The following MYO18A variants were observed in gnomAD, a reference collection of about 807,000 sequenced individuals.
MYO18A encodes unconventional myosin-XVIIIa.
Under a neutral mutation model 235.8 loss-of-function variants are expected in MYO18A, and 78 were observed. The ratio of observed to expected loss-of-function variants is 0.33; its 90% confidence interval spans 0.28 to 0.40. The LOEUF is 0.40. MYO18A is among the 10% of genes least tolerant of loss of function. MYO18A has a pLI of 1.00. For synonymous variants in MYO18A, 977 were observed against 1,077.8 expected (o/e 0.91, Z 1.83); for missense variants, 2,215 against 2,699.3 (o/e 0.82, Z 3.98).
At chr17:29,116,701 A>G (rs79504022) in intron 10 of MYO18A, among the ~76,000 whole-genome samples, 70 of 33,058 alleles carry the variant, frequency 2.1e-3, no homozygotes, top group East Asian at 9.4e-3. Context: ...ATTTGTGCAC[A>G]TGTGTGTGTG....
intron 1 of MYO18A, among the ~76,000 whole-genome samples, chr17:29,168,860 G>A (rs1024726297): frequency 3.9e-5 from 6 of 152,306 alleles, no homozygotes; most frequent in Middle Eastern, 3.4e-3. Flanking sequence ...TACTTTAGGA[G>A]GCTGAGGCAG....
intron 1 of MYO18A, among the ~76,000 whole-genome samples, chr17:29,167,352 TA>T (rs2068306493): frequency 6.6e-6 from 1 of 152,022 alleles, no homozygotes; most frequent in Non-Finnish European, 1.5e-5. Context: ...TATCTGGAGG[TA>T]GTATGTGGGA....
chr17:29,179,273 C>T (rs895131709), intron 1 of MYO18A, among the ~76,000 whole-genome samples: 1 of 151,768 alleles, frequency 6.6e-6, no homozygotes, highest in Non-Finnish European at 1.5e-5. Context: ...CCCCCACCCC[C>T]CACCTCTAGC....
chr17:29,145,872 C>T lies in MYO18A; in HGVS notation c.999+20070G>A, dbSNP rs897804616. Among the ~76,000 whole-genome samples the T allele has an allele frequency of 5.9e-5, 9 of 152,176 alleles. No homozygotes were observed. In the South Asian group the frequency reaches 1.4e-3, roughly 24 times the overall value. On this transcript the variant is annotated intron_variant, in intron 2 of 41. Coordinates refer to ENST00000527372, the MANE Select transcript of MYO18A (RefSeq NM_078471.4). The stretch of plus-strand genomic sequence containing the variant: ...TATTAAGTAGACAGCTTACAGACAG[C>T]TTGGAGCTAGGCCAATGAAAGAGAG...
intron 2 of MYO18A, among the ~76,000 whole-genome samples, chr17:29,138,674 G>A (rs1446566450): frequency 6.6e-6 from 1 of 152,204 alleles, no homozygotes; most frequent in Non-Finnish European, 1.5e-5. Flanking sequence ...TAGTGTGACT[G>A]TGTGACTGCT....
intron 1 of MYO18A, among the ~76,000 whole-genome samples, chr17:29,171,172 A>G (rs1423072623): frequency 6.6e-6 from 1 of 152,226 alleles, no homozygotes; most frequent in Admixed American, 6.5e-5. Flanking sequence ...GCGTTCAGCC[A>G]GGCGCGTTGG....
chr17:29,100,660 C>A (rs1227482167), intron 21 of MYO18A, among the ~76,000 whole-genome samples: 1 of 152,236 alleles, frequency 6.6e-6, no homozygotes, highest in African/African-American at 2.4e-5. Context: ...TGAGAGTGGG[C>A]AGAGACACCT....
At chr17:29,098,053 C>G (rs1019541580) in intron 25 of MYO18A, 52 bp downstream of exon 25, 1 of 1,603,976 alleles carries the variant, frequency 6.2e-7, no homozygotes. Context: ...CCAATGGGCA[C>G]TAGGGTATGG....
At chr17:29,102,905 C>G (rs1396627680) in intron 21 of MYO18A, among the ~76,000 whole-genome samples, 1 of 152,238 alleles carries the variant, frequency 6.6e-6, no homozygotes, top group Non-Finnish European at 1.5e-5. Context: ...CTCTCTGGCT[C>G]TCCACTGGCC....
intron 2 of MYO18A, chr17:29,165,636 T>G: frequency 2.9e-6 from 1 of 349,388 alleles, no homozygotes; most frequent in Non-Finnish European, 5.3e-6. Flanking sequence ...TTTGGGGACT[T>G]GTCCTCAGCT....
Position 29,094,968 on chromosome 17 carries a change from C to T in MYO18A, c.4477G>A (p.Ala1493Thr), listed in dbSNP as rs1486767135. Reference sequence around the variant, plus strand: ...TGCTGCTTCAGGCTGAAAGCCTCAGCGAGGAGCATGTCCTTCTCCCGCTGC... The same window carrying T: ...TGCTGCTTCAGGCTGAAAGCCTCAGTGAGGAGCATGTCCTTCTCCCGCTGC... ...KLQREKDMLLAEAFSLKQQLE... is the reference protein window; with the variant it reads ...KLQREKDMLLTEAFSLKQQLE... The change falls in exon 29 of 42, where the codon GCT becomes ACT. Residue 1493 changes from alanine to threonine, a missense_variant. Physicochemically the swap from Ala to Thr is moderately conservative, Grantham distance 58. Transcript: ENST00000527372. 9.9e-6 allele frequency: 16 copies of T among 1,608,276 alleles called. No homozygotes were observed. Among genetic ancestry groups the T allele is most frequent in the South Asian group, 3.3e-5 (3 of 90,528 alleles).
At position 29,111,107 on chromosome 17, in the gene MYO18A, C is replaced by T. The variant is rs2066917597; in HGVS notation, c.2900+317G>A. ...GCCCCTGTCGCAGGGTAGGTGCCCA[C>T]TAACCATCTTCTGAAGAGTAGAACG... On this transcript the variant is annotated intron_variant, in intron 17 of 41. Coordinates refer to ENST00000527372, the MANE Select transcript of MYO18A (RefSeq NM_078471.4). This position sits in a 1 kb window ranked among gnomAD's most constrained non-coding sequence, Gnocchi z 5.1. 6.6e-6 allele frequency among the ~76,000 whole-genome samples: 1 copy of T among 152,224 alleles called. No homozygotes were observed. Among genetic ancestry groups the T allele is most frequent in the Admixed American group, 6.5e-5 (1 of 15,292 alleles).
At chr17:29,134,141 G>C (rs1170737057) in intron 2 of MYO18A, among the ~76,000 whole-genome samples, 1 of 152,128 alleles carries the variant, frequency 6.6e-6, no homozygotes, top group African/African-American at 2.4e-5. Context: ...TCACTCTGTA[G>C]GCCAGGCTGA....
At chr17:29,099,789 C>G in intron 21 of MYO18A, 27 bp from the exon 22 acceptor site, 1 of 1,607,054 alleles carries the variant, frequency 6.2e-7, no homozygotes, top group Non-Finnish European at 8.5e-7. Context: ...CAGGTGAAGG[C>G]AGGATACTGG....
At chr17:29,148,957 G>A (rs2067910762) in intron 2 of MYO18A, among the ~76,000 whole-genome samples, 2 of 152,234 alleles carry the variant, frequency 1.3e-5, no homozygotes, top group African/African-American at 4.8e-5. Context: ...GCGGGGCCAA[G>A]GGGGTGGGGC....
chr17:29,110,436 C>A lies in MYO18A; in HGVS notation c.3087G>T (p.Val1029=). 1 of 1,582,252 alleles carries A rather than the reference C, an allele frequency of 6.3e-7. No homozygotes were observed. Among genetic ancestry groups the A allele is most frequent in the Non-Finnish European group, 8.6e-7 (1 of 1,164,516 alleles). ...CTGCTGGGACCCGGCTGGCACTCAC[C>A]ACCTGTAGCTTCATCTGGATGCACA... The part of the protein sequence containing the change: ...KSLCIQMKLQ[V]DALIDTIKKS... Residue 1029 remains valine (V), a splice_region_variant and synonymous_variant, in exon 18 of 42, where the codon GTG becomes GTT. Coordinates refer to ENST00000527372, the MANE Select transcript of MYO18A (RefSeq NM_078471.4).
At chr17:29,133,416 C>T (rs192333643) in intron 2 of MYO18A, among the ~76,000 whole-genome samples, 34 of 152,344 alleles carry the variant, frequency 2.2e-4, no homozygotes, top group African/African-American at 7.9e-4. Flanking sequence ...TCCTCCTAAC[C>T]CACTGCAGCC....
At chr17:29,129,734 C>T (rs531315808) in intron 2 of MYO18A, among the ~76,000 whole-genome samples, 1 of 152,362 alleles carries the variant, frequency 6.6e-6, no homozygotes, top group East Asian at 1.9e-4. Flanking sequence ...CTGGGAGCTG[C>T]TGCCTCTGGA....
intron 1 of MYO18A, among the ~76,000 whole-genome samples, chr17:29,172,540 C>T (rs1187819426): frequency 6.6e-6 from 1 of 151,944 alleles, no homozygotes; most frequent in African/African-American, 2.4e-5. Context: ...TCACTTAAGG[C>T]CTCCATGCCT....
Sources: allele counts gnomAD v4.1 joint callset (sites outside exome capture counted in the v4.1 genomes callset), GRCh38; gene constraint gnomAD v4.1.1; non-coding constraint Gnocchi (gnomAD v3.1); transcripts MANE v1.5; gene names NCBI Gene and HGNC (gene_info 2026-07-23, HGNC 2026-07-21).